Variants in DRAM1 observed in about 807,000 individuals in gnomAD.
The protein encoded by DRAM1 is DNA damage regulated autophagy modulator 1.
A neutral mutation model predicts 28.5 loss-of-function variants in DRAM1; 25 were observed. The ratio of observed to expected loss-of-function variants is 0.88; its 90% CI spans 0.64 to 1.23. The LOEUF (loss-of-function observed/expected upper bound fraction) is 1.23. DRAM1 is among the 50% of genes most tolerant of loss of function. DRAM1 has a pLI of 0.00. For missense variants in DRAM1, 249 were observed against 299.2 expected (o/e 0.83, Z 1.24); for synonymous variants, 113 against 114.2 (o/e 0.99, Z 0.07).
chr12:101,881,536 C>T (rs1335030243), intron 1 of DRAM1, among the ~76,000 whole-genome samples: 1 of 152,132 alleles, frequency 6.6e-6, no homozygotes, highest in Non-Finnish European at 1.5e-5. Context: ...CTCCTCTACC[C>T]CTACTCTTTG....
intron 4 of DRAM1, among the ~76,000 whole-genome samples, chr12:101,909,259 C>A (rs1325602713): frequency 4.3e-5 from 5 of 116,976 alleles, no homozygotes; most frequent in African/African-American, 1.4e-4. Flanking sequence ...GAAACTCCGT[C>A]TCAAAAAAAA....
intron 1 of DRAM1, among the ~76,000 whole-genome samples, chr12:101,893,012 T>C (rs17032033): frequency 0.15 from 22,644 of 152,256 alleles, 1,860 homozygotes; most frequent in East Asian, 0.25. Context: ...ATGTGGGCCA[T>C]TGATATTCAG....
At chr12:101,892,415 T>TAC (rs1873171213) in intron 1 of DRAM1, among the ~76,000 whole-genome samples, 1 of 134,122 alleles carries the variant, frequency 7.5e-6, no homozygotes, top group African/African-American at 3.3e-5. Context: ...TTTTTTTTTT[T>TAC]TTTTTTTTTT....
intron 5 of DRAM1, among the ~76,000 whole-genome samples, chr12:101,916,084 T>A (rs912517736): frequency 1.3e-5 from 2 of 152,222 alleles, no homozygotes; most frequent in Admixed American, 6.5e-5. Context: ...AGTTTTTATC[T>A]TAGGTGAACC....
At chr12:101,896,496 G>C (rs1360192627) in intron 1 of DRAM1, among the ~76,000 whole-genome samples, 1 of 152,076 alleles carries the variant, frequency 6.6e-6, no homozygotes, top group Non-Finnish European at 1.5e-5. Flanking sequence ...AGACATGGTG[G>C]CTTACACCTG....
intron 3 of DRAM1, among the ~76,000 whole-genome samples, chr12:101,901,737 G>A (rs1219339734): frequency 6.6e-6 from 1 of 152,104 alleles, no homozygotes; most frequent in African/African-American, 2.4e-5. Context: ...AAATTAGCCA[G>A]GTGTGGCGTC....
chr12:101,910,880 G>A (rs1055998113), intron 4 of DRAM1, among the ~76,000 whole-genome samples: 3 of 152,098 alleles, frequency 2.0e-5, no homozygotes, highest in African/African-American at 4.8e-5. Flanking sequence ...TCATCCACAC[G>A]AAAAGATCTT....
At chr12:101,880,236 G>A (rs1872646119) in intron 1 of DRAM1, among the ~76,000 whole-genome samples, 1 of 123,632 alleles carries the variant, frequency 8.1e-6, no homozygotes, top group African/African-American at 3.1e-5. Flanking sequence ...ATTTTTTTTT[G>A]TATTTGTAGA....
chr12:101,899,863 T>G (rs1241317430), intron 2 of DRAM1, among the ~76,000 whole-genome samples: 2 of 152,224 alleles, frequency 1.3e-5, no homozygotes, highest in Non-Finnish European at 2.9e-5. Context: ...AGTTCCCTAT[T>G]GTCCAACATT....
chr12:101,921,318 CA>C lies in DRAM1; in HGVS notation c.*59del, dbSNP rs1316054090. 1.4e-6 allele frequency: 2 copies of C among 1,447,322 alleles called. No homozygotes were observed. The highest frequency in any genetic ancestry group is 2.8e-5 in the African/African-American group (2 of 71,558). 89.7% of individuals were successfully genotyped at this position (1,447,322 alleles called of 1,614,324 possible). ...TCGCAGGCCATTTCTAAAAGTGCTA[CA>C]GAGGACAGACAGGGTTTTGAGGCCA... On this transcript the variant is annotated 3_prime_UTR_variant, in exon 7 of 7. Coordinates refer to ENST00000258534, the MANE Select transcript of DRAM1 (RefSeq NM_018370.3).
chr12:101,912,731 AT>A (rs10530801), intron 4 of DRAM1, among the ~76,000 whole-genome samples: 21,102 of 128,542 alleles, frequency 0.16, 1,777 homozygotes, highest in African/African-American at 0.34. Flanking sequence ...TTGGCTCAAC[AT>A]TTTTTTTTTT....
rs943418336 is a variant in DRAM1, at chr12:101,920,055, T to A, written c.580-54T>A. 3 of 1,268,514 alleles carry A rather than the reference T, an allele frequency of 2.4e-6. No homozygotes were observed. The African/African-American group carries it at 4.5e-5, about 19-fold the overall frequency. The allele number at this position is 1,268,514 out of a possible 1,614,324, so 78.6% of individuals were successfully genotyped here. ...AAACTCCTCATTGTATTTCAGTATG[T>A]ACATTAAAGTGAGTCTTTTTCGGCT... On this transcript the variant is annotated intron_variant, in intron 5 of 6. Coordinates refer to ENST00000258534, the MANE Select transcript of DRAM1 (RefSeq NM_018370.3).
intron 1 of DRAM1, among the ~76,000 whole-genome samples, chr12:101,894,534 G>A (rs189174464): frequency 3.3e-5 from 5 of 152,266 alleles, no homozygotes; most frequent in Admixed American, 2.0e-4. Flanking sequence ...TTACAGGTGT[G>A]AGCTACCGTG....
chr12:101,891,939 C>A (rs4764658), intron 1 of DRAM1, among the ~76,000 whole-genome samples: 100,310 of 152,040 alleles, frequency 0.66, 34,838 homozygotes, highest in East Asian at 0.91. Flanking sequence ...AGTTAGGCCA[C>A]CCAAATACTA....
At chr12:101,907,198 T>TTAA (rs200353634) in intron 3 of DRAM1, among the ~76,000 whole-genome samples, 5 of 49,372 alleles carry the variant, frequency 1.0e-4, no homozygotes, top group African/African-American at 2.5e-4. Context: ...AGACCCTGTC[T>TTAA]CAAAAAAAAA....
At chr12:101,890,288 C>A in intron 1 of DRAM1, 1 of 301,120 alleles carries the variant, frequency 3.3e-6, no homozygotes, top group Non-Finnish European at 6.5e-6. Context: ...CCATGTTGCC[C>A]AGGCTGCTAT....
intron 3 of DRAM1, among the ~76,000 whole-genome samples, chr12:101,904,517 C>T (rs758777756): frequency 1.7e-4 from 23 of 136,384 alleles, no homozygotes; most frequent in Non-Finnish European, 2.6e-4. Flanking sequence ...TCTCGGCTCA[C>T]TACAAGCTCT....
chr12:101,882,300 C>G (rs61935794), intron 1 of DRAM1, among the ~76,000 whole-genome samples: 3 of 150,392 alleles, frequency 2.0e-5, no homozygotes, highest in East Asian at 2.2e-4. Flanking sequence ...TTAGTAGAGA[C>G]GGGGTTTCAC....
intron 4 of DRAM1, among the ~76,000 whole-genome samples, chr12:101,912,413 C>T (rs1874073518): frequency 6.6e-6 from 1 of 152,130 alleles, no homozygotes; most frequent in Admixed American, 6.6e-5. Flanking sequence ...GGTACATTCT[C>T]TGGGTCTGGT....
Sources: gnomAD v4.1 joint callset for allele counts (sites outside exome capture counted in the v4.1 genomes callset) on GRCh38, gnomAD v4.1.1 for gene constraint, MANE v1.5 for transcripts, NCBI Gene and HGNC (gene_info 2026-07-23, HGNC 2026-07-21) for gene names.